The following SCOC variants were observed in gnomAD, a reference collection of about 807,000 sequenced individuals.
The protein encoded by SCOC is short coiled coil protein.
In SCOC, 7 loss-of-function variants were observed where a neutral mutation model predicts 9.9. That is an observed-to-expected ratio of 0.71 (90% CI 0.40 to 1.33). SCOC has a LOEUF of 1.33. Among genes scored for constraint, SCOC ranks in the 40% most tolerant of loss-of-function variants. The pLI is 0.01. For synonymous variants in SCOC, 19 were observed against 28.2 expected, an observed-to-expected ratio of 0.67 and a Z score of 1.03; for missense variants, 66 against 89.7, an observed-to-expected ratio of 0.74 and a Z score of 1.07.
In SCOC at chr4:140,379,598, G is replaced by C. The variant is rs1480746417; in HGVS notation, c.52G>C (p.Glu18Gln). ...AVDAENQVEL[E>Q]EKTRLINQVL... ...TGATGCTGAAAATCAAGTGGAACTG[G>C]AGGAAAAAACAAGACTTATTAATCA... Residue 18 changes from glutamate (E) to glutamine (Q), a missense_variant, in exon 3 of 4, where the codon GAG becomes CAG. Coordinates refer to ENST00000608372, the MANE Select transcript of SCOC (RefSeq NM_001153484.2). 1.9e-6 allele frequency: 3 copies of C among 1,612,620 alleles called. No individual in the cohort carries two copies. Among genetic ancestry groups the C allele is most frequent in the Admixed American group, 1.7e-5 (1 of 59,912 alleles).
chr4:140,312,702 G>C (rs1453812205), intron 1 of SCOC, among the ~76,000 whole-genome samples: 6 of 152,144 alleles, frequency 3.9e-5, no homozygotes, highest in Non-Finnish European at 8.8e-5. Flanking sequence ...CTAAAGTCCT[G>C]GGATTACAGG....
chr4:140,351,554 A>G (rs964857526), intron 2 of SCOC, among the ~76,000 whole-genome samples: 10 of 151,998 alleles, frequency 6.6e-5, no homozygotes, highest in Non-Finnish European at 1.5e-4. Flanking sequence ...ATTAGCCCTC[A>G]TTGTAAGGTT....
chr4:140,299,874 T>C (rs1487931589), intron 1 of SCOC, among the ~76,000 whole-genome samples: 3 of 152,210 alleles, frequency 2.0e-5, no homozygotes, highest in Non-Finnish European at 4.4e-5. Flanking sequence ...CAGTCCTTTG[T>C]TCTCCACAGT....
intron 2 of SCOC, among the ~76,000 whole-genome samples, chr4:140,351,062 T>C (rs1726954054): frequency 1.3e-5 from 2 of 151,144 alleles, no homozygotes; most frequent in African/African-American, 4.9e-5. Flanking sequence ...TGGTGCCAGG[T>C]GCCTGTAATC....
At chr4:140,317,497 G>A (rs182931169) in intron 1 of SCOC, among the ~76,000 whole-genome samples, 3 of 152,038 alleles carry the variant, frequency 2.0e-5, no homozygotes, top group Non-Finnish European at 4.4e-5. Context: ...TTGCTCAATC[G>A]ATCACGACCC....
intron 1 of SCOC, among the ~76,000 whole-genome samples, chr4:140,276,557 C>T (rs116811667): frequency 0.01 from 1,545 of 152,028 alleles, 36 homozygotes; most frequent in African/African-American, 0.035. Context: ...GGGGTTCAAG[C>T]AATTCTCTCT....
At chr4:140,287,647 T>C (rs1731333379) in intron 1 of SCOC, among the ~76,000 whole-genome samples, 1 of 152,018 alleles carries the variant, frequency 6.6e-6, no homozygotes. Context: ...ACACAGAGTA[T>C]GCAGGTACAT....
At chr4:140,291,827 C>G (rs1560686291) in intron 1 of SCOC, among the ~76,000 whole-genome samples, 1 of 152,168 alleles carries the variant, frequency 6.6e-6, no homozygotes, top group Non-Finnish European at 1.5e-5. Flanking sequence ...GACCTTGTGT[C>G]TGATCATCCT....
At chr4:140,295,844 T>G (rs1731613853) in intron 1 of SCOC, among the ~76,000 whole-genome samples, 2 of 141,090 alleles carry the variant, frequency 1.4e-5, no homozygotes, top group African/African-American at 5.4e-5. Flanking sequence ...GGCAGGAGAA[T>G]GGCGTGAACC....
At chr4:140,296,614 C>G (rs1222123231) in intron 1 of SCOC, among the ~76,000 whole-genome samples, 1 of 152,132 alleles carries the variant, frequency 6.6e-6, no homozygotes, top group African/African-American at 2.4e-5. Context: ...CCTGGTAAAC[C>G]GGGTGACATG....
At chr4:140,366,576 A>C in intron 2 of SCOC, 2 of 1,604,412 alleles carry the variant, frequency 1.2e-6, no homozygotes, top group Non-Finnish European at 1.7e-6. Flanking sequence ...CTCTGGCTTC[A>C]ATCTTCTTGG....
At chr4:140,343,856 T>G (rs1726600584) in intron 2 of SCOC, 3 of 499,638 alleles carry the variant, frequency 6.0e-6, no homozygotes, top group Middle Eastern at 5.6e-4. Flanking sequence ...CAGGTTTTAA[T>G]TAAGAGCTGT....
At chr4:140,266,778 G>A (rs1224596250) in intron 1 of SCOC, among the ~76,000 whole-genome samples, 2 of 152,138 alleles carry the variant, frequency 1.3e-5, no homozygotes, top group Non-Finnish European at 2.9e-5. Context: ...CAAAGATTAA[G>A]TTTTCCTGTG....
chr4:140,333,677 T>G (rs990823565), intron 1 of SCOC, among the ~76,000 whole-genome samples: 5 of 152,144 alleles, frequency 3.3e-5, no homozygotes, highest in Non-Finnish European at 4.4e-5. Flanking sequence ...CTGGGAGTCT[T>G]GGAAGGCATT....
chr4:140,366,202 C>T (rs998563348), intron 2 of SCOC: 3 of 709,528 alleles, frequency 4.2e-6, no homozygotes, highest in Admixed American at 4.3e-5. Context: ...TTTTTTTTCC[C>T]AAATAGAACT....
intron 1 of SCOC, among the ~76,000 whole-genome samples, chr4:140,289,343 C>T (rs1186135754): frequency 6.6e-6 from 1 of 152,176 alleles, no homozygotes; most frequent in Non-Finnish European, 1.5e-5. Flanking sequence ...ATATCAGCCG[C>T]CCTTTTCAAG....
intron 1 of SCOC, among the ~76,000 whole-genome samples, chr4:140,266,824 G>A (rs183244524): frequency 1.3e-5 from 2 of 152,246 alleles, no homozygotes; most frequent in Non-Finnish European, 2.9e-5. Context: ...GGGAGGAAGG[G>A]AGAAAGAGAA....
intron 1 of SCOC, among the ~76,000 whole-genome samples, chr4:140,298,495 C>T (rs1490851720): frequency 6.6e-6 from 1 of 152,200 alleles, no homozygotes; most frequent in East Asian, 1.9e-4. Flanking sequence ...CAGGCAGAAC[C>T]AACCAAGGTG....
intron 2 of SCOC, among the ~76,000 whole-genome samples, chr4:140,362,272 T>TA (rs1560720506): frequency 7.5e-4 from 16 of 21,266 alleles, no homozygotes; most frequent in Non-Finnish European, 1.5e-3. Context: ...GACAGGTGTG[T>TA]CCTTACTTCT....
Sources: allele counts gnomAD v4.1 joint callset (sites outside exome capture counted in the v4.1 genomes callset), GRCh38; gene constraint gnomAD v4.1.1; transcripts MANE v1.5; gene names NCBI Gene and HGNC (gene_info 2026-07-23, HGNC 2026-07-21).